Variants in INPP5A observed in about 807,000 individuals in gnomAD.
INPP5A encodes 43 kDa inositol polyphosphate 5-phophatase.
INPP5A carries 14 observed loss-of-function variants against 65.2 expected under a neutral mutation model. The ratio of observed to expected loss-of-function variants is 0.21; its 90% CI spans 0.14 to 0.34. The LOEUF (loss-of-function observed/expected upper bound fraction) is 0.34, where lower values mean the gene tolerates loss of function less well. INPP5A is among the 10% of genes least tolerant of loss of function. INPP5A has a pLI of 1.00. For synonymous variants in INPP5A, 207 were observed against 208.3 expected (o/e 0.99, Z 0.05); for missense variants, 431 against 545.6 (o/e 0.79, Z 2.09).
At chr10:132,721,046 T>C (rs1401191616) in intron 8 of INPP5A, among the ~76,000 whole-genome samples, 2 of 151,250 alleles carry the variant, frequency 1.3e-5, no homozygotes, top group African/African-American at 4.9e-5. Context: ...GGGTTCTGTC[T>C]GGGGGCCTTA....
chr10:132,543,744 A>G (rs919466515), intron 1 of INPP5A, among the ~76,000 whole-genome samples: 20 of 152,252 alleles, frequency 1.3e-4, no homozygotes, highest in Non-Finnish European at 2.2e-4. Flanking sequence ...TGGCTGAATA[A>G]TATTCCATTG....
At chr10:132,586,761 G>A (rs1294202583) in intron 1 of INPP5A, among the ~76,000 whole-genome samples, 1 of 152,242 alleles carries the variant, frequency 6.6e-6, no homozygotes, top group Non-Finnish European at 1.5e-5. Flanking sequence ...AAGTATGATT[G>A]ACTTTTGAAA....
rs540606969 is a variant in INPP5A, at chr10:132,555,653, A to T, written c.75+17482A>T. The stretch of plus-strand genomic sequence containing the variant: ...CCTATCAGGGAGAGAGTTCAAGTGT[A>T]TCCTAGCGTCTTGGAGAAAAATGGT... On this transcript the variant is annotated intron_variant, in intron 1 of 15. Transcript: ENST00000368594. This position sits in a 1 kb window ranked among gnomAD's most constrained non-coding sequence, Gnocchi z 4.4. 2.0e-5 allele frequency among the ~76,000 whole-genome samples: 3 copies of T among 152,306 alleles called. No individual in the cohort carries two copies. Among genetic ancestry groups the T allele is most frequent in the African/African-American group, 7.2e-5 (3 of 41,552 alleles).
At chr10:132,613,779 C>T (rs2071991879) in intron 2 of INPP5A, among the ~76,000 whole-genome samples, 2 of 152,212 alleles carry the variant, frequency 1.3e-5, no homozygotes, top group African/African-American at 4.8e-5. Context: ...AGGGCTGGAT[C>T]AGACACCTGG....
At chr10:132,691,184 C>A (rs986491488) in intron 5 of INPP5A, among the ~76,000 whole-genome samples, 2 of 152,134 alleles carry the variant, frequency 1.3e-5, no homozygotes, top group African/African-American at 4.8e-5. Context: ...TGTGAAATTG[C>A]GCGGTAGTCT....
chr10:132,713,447 C>T (rs908377832), intron 8 of INPP5A, among the ~76,000 whole-genome samples: 3 of 152,080 alleles, frequency 2.0e-5, no homozygotes, highest in South Asian at 2.1e-4. Context: ...ACGATCCTCC[C>T]GGGTTCCCCA....
intron 2 of INPP5A, among the ~76,000 whole-genome samples, chr10:132,640,192 G>A (rs1259348072): frequency 6.6e-6 from 1 of 152,240 alleles, no homozygotes; most frequent in African/African-American, 2.4e-5. Flanking sequence ...TTCTCAGCAT[G>A]CACGCATTCA....
At chr10:132,623,064 C>T (rs2072129194) in intron 2 of INPP5A, among the ~76,000 whole-genome samples, 1 of 151,840 alleles carries the variant, frequency 6.6e-6, no homozygotes, top group African/African-American at 2.4e-5. Flanking sequence ...GTTAATTCCC[C>T]ACTAACCAAT....
chr10:132,759,852 G>A (rs548965212), intron 11 of INPP5A, among the ~76,000 whole-genome samples: 15 of 152,292 alleles, frequency 9.8e-5, no homozygotes, highest in Admixed American at 6.5e-4. Flanking sequence ...CCCTGGGCCT[G>A]TTCTCCCTCT....
At chr10:132,725,229 C>T (rs1590959788) in intron 8 of INPP5A, among the ~76,000 whole-genome samples, 1 of 152,232 alleles carries the variant, frequency 6.6e-6, no homozygotes, top group Admixed American at 6.5e-5. Context: ...GAAATGAACT[C>T]CTACGCTCCA....
chr10:132,579,002 C>A (rs1460395394), intron 1 of INPP5A, among the ~76,000 whole-genome samples: 1 of 152,202 alleles, frequency 6.6e-6, no homozygotes, highest in Non-Finnish European at 1.5e-5. Context: ...AGGGAAGCTG[C>A]TCGTCCTCTT....
chr10:132,629,942 G>A (rs1031551815), intron 2 of INPP5A, among the ~76,000 whole-genome samples: 1 of 152,164 alleles, frequency 6.6e-6, no homozygotes, highest in Non-Finnish European at 1.5e-5. Context: ...GGGCGTCCTT[G>A]AGGGGAGAGT....
rs761914784 is a variant in INPP5A at position 132,555,795 on chromosome 10, C to T, written c.75+17624C>T. Reference sequence around the variant, plus strand: ...GCAGGGTGTTTTGTTGCCCTCAGCACGTGTGGTCTGCACAGACAGACCAGG... The same window carrying T: ...GCAGGGTGTTTTGTTGCCCTCAGCATGTGTGGTCTGCACAGACAGACCAGG... On this transcript the variant is annotated intron_variant, in intron 1 of 15. Coordinates refer to ENST00000368594, the MANE Select transcript of INPP5A (RefSeq NM_005539.5). The surrounding 1 kb of genome is among the most constrained non-coding windows in gnomAD (Gnocchi z 4.4). 6.6e-5 allele frequency among the ~76,000 whole-genome samples: 10 copies of T among 152,188 alleles called. No individual in the cohort carries two copies. The highest frequency in any genetic ancestry group is 1.2e-4 in the Non-Finnish European group (8 of 68,032).
chr10:132,750,067 G>A (rs562334711), intron 11 of INPP5A, among the ~76,000 whole-genome samples: 6 of 152,370 alleles, frequency 3.9e-5, no homozygotes, highest in East Asian at 1.9e-4. Flanking sequence ...TCCTGTCCAC[G>A]GGCAGCATGA....
chr10:132,729,045 T>C (rs55670154), intron 9 of INPP5A, among the ~76,000 whole-genome samples: 3,159 of 144,532 alleles, frequency 0.022, 50 homozygotes, highest in South Asian at 0.05. Context: ...CTCCAGGGCC[T>C]GTGGGGCTTG....
chr10:132,586,247 C>T (rs1299188595), intron 1 of INPP5A, among the ~76,000 whole-genome samples: 1 of 152,224 alleles, frequency 6.6e-6, no homozygotes, highest in Non-Finnish European at 1.5e-5. Flanking sequence ...CACGTCTCCC[C>T]CACCTCCGAC....
At chr10:132,767,324 G>A (rs1349014018) in intron 12 of INPP5A, among the ~76,000 whole-genome samples, 1 of 20,348 alleles carries the variant, frequency 4.9e-5, no homozygotes, top group African/African-American at 9.3e-5. Context: ...CTCGGAGCTT[G>A]GGTGGGAGCT....
rs1317885474 is a variant in INPP5A at position 132,678,065 on chromosome 10, G to T, written c.307-12327G>T. 1.3e-5 allele frequency among the ~76,000 whole-genome samples: 2 copies of T among 151,696 alleles called. No homozygotes were observed. Among genetic ancestry groups the T allele is most frequent in the Non-Finnish European group, 2.9e-5 (2 of 67,968 alleles). On this transcript the variant is annotated intron_variant, in intron 4 of 15. Coordinates refer to ENST00000368594, the MANE Select transcript of INPP5A (RefSeq NM_005539.5). The surrounding 1 kb of genome is among the most constrained non-coding windows in gnomAD (Gnocchi z 4.1). Reference sequence around the variant, plus strand: ...AGGGGCTCGGCAGGAGGCCAGACAGGGGGACACCTTGGTGCCGTCATCCCG... The same window carrying T: ...AGGGGCTCGGCAGGAGGCCAGACAGTGGGACACCTTGGTGCCGTCATCCCG...
intron 11 of INPP5A, among the ~76,000 whole-genome samples, chr10:132,759,706 C>T (rs1018861716): frequency 1.3e-5 from 2 of 152,038 alleles, no homozygotes; most frequent in African/African-American, 4.8e-5. Flanking sequence ...TGGCCCGGCG[C>T]CCTCCTCACC....
Sources: gnomAD v4.1 joint callset for allele counts (sites outside exome capture counted in the v4.1 genomes callset) on GRCh38, gnomAD v4.1.1 for gene constraint, Gnocchi (gnomAD v3.1) non-coding constraint, MANE v1.5 for transcripts, NCBI Gene and HGNC (gene_info 2026-07-23, HGNC 2026-07-21) for gene names.